The following SLIT3 variants were observed in gnomAD, a reference collection of about 807,000 sequenced individuals.
The protein encoded by SLIT3 is slit homolog 3 protein.
SLIT3 carries 68 observed loss-of-function variants against 184.0 expected under a neutral mutation model. The ratio of observed to expected loss-of-function variants is 0.37; its 90% CI spans 0.30 to 0.45. The LOEUF (loss-of-function observed/expected upper bound fraction) is 0.45, where lower values mean the gene tolerates loss of function less well. Among genes scored for constraint, SLIT3 ranks in the 20% least tolerant of loss-of-function variants. The pLI is 1.00. For missense variants in SLIT3, 1,707 were observed against 2,026.0 expected (o/e 0.84, Z 3.02); for synonymous variants, 831 against 828.6 (o/e 1.00, Z -0.05).
chr5:168,704,819 G>T (rs999884319), intron 26 of SLIT3, among the ~76,000 whole-genome samples: 1 of 152,166 alleles, frequency 6.6e-6, no homozygotes, highest in East Asian at 1.9e-4. Flanking sequence ...TGAACTTTGA[G>T]CTTGGTTTTG....
intron 29 of SLIT3, 80 bp from the exon 30 acceptor site, chr5:168,687,196 G>A: frequency 6.5e-7 from 1 of 1,533,174 alleles, no homozygotes; most frequent in Non-Finnish European, 9.0e-7. Context: ...CCCCTCAGCA[G>A]GTGGCCTCTC....
intron 3 of SLIT3, among the ~76,000 whole-genome samples, chr5:169,237,742 T>TG (rs1765253274): frequency 6.6e-6 from 1 of 152,222 alleles, no homozygotes. Context: ...TGTCCATTTC[T>TG]TTCCTTTATA....
chr5:169,079,580 A>AAG (rs1209272039), intron 4 of SLIT3, among the ~76,000 whole-genome samples: 1 of 71,718 alleles, frequency 1.4e-5, no homozygotes, highest in Non-Finnish European at 2.7e-5. Context: ...GGAGGAGGAG[A>AAG]GAAGGGGAGG....
At chr5:169,268,529 A>G (rs1766480236) in intron 1 of SLIT3, among the ~76,000 whole-genome samples, 1 of 152,214 alleles carries the variant, frequency 6.6e-6, no homozygotes, top group South Asian at 2.1e-4. Flanking sequence ...TTGAAAGCAG[A>G]GAACCTTTCT....
intron 34 of SLIT3, among the ~76,000 whole-genome samples, chr5:168,670,470 A>G (rs867956728): frequency 1.1e-4 from 16 of 152,038 alleles, no homozygotes; most frequent in Middle Eastern, 3.2e-3. Flanking sequence ...AGTACATTTC[A>G]CCCATGGAAA....
chr5:168,710,943 C>A lies in SLIT3; in HGVS notation c.2671G>T (p.Ala891Ser). The part of the protein sequence containing the change: ...IARCSSPEPM[A>S]DRLLLTTPTH... Reference sequence around the variant, plus strand: ...GGGGTGGTGAGCAGGAGCCTGTCAGCCATGGGCTCAGGGCTACTGCAGCGG... The same window carrying A: ...GGGGTGGTGAGCAGGAGCCTGTCAGACATGGGCTCAGGGCTACTGCAGCGG... The change falls in exon 25 of 36, where the codon GCT becomes TCT. Residue 891 changes from alanine (A) to serine (S), a missense_variant. Ala to Ser is a moderately conservative substitution (Grantham distance 99, BLOSUM62 1). Around this residue, in one of 3 missense-constraint regions of SLIT3, gnomAD observed 1,307 missense variants for 1,511.6 expected, o/e 0.86. Coordinates refer to ENST00000519560, the MANE Select transcript of SLIT3 (RefSeq NM_003062.4). The A allele has an allele frequency of 6.4e-7, 1 of 1,564,950 alleles. No homozygotes were observed. Among genetic ancestry groups the A allele is most frequent in the Admixed American group, 1.9e-5 (1 of 51,820 alleles).
intron 4 of SLIT3, among the ~76,000 whole-genome samples, chr5:169,029,350 G>T (rs758067870): frequency 1.3e-5 from 2 of 152,152 alleles, no homozygotes; most frequent in African/African-American, 2.4e-5. Flanking sequence ...GTTCTCAAAG[G>T]GTGGCCCTGG....
intron 3 of SLIT3, among the ~76,000 whole-genome samples, chr5:169,203,388 C>CAG (rs2113492920): frequency 6.9e-6 from 1 of 144,718 alleles, no homozygotes; most frequent in South Asian, 2.2e-4. Context: ...CACACACACA[C>CAG]AGCAGATAAT....
At chr5:169,185,852 C>T (rs545060720) in intron 4 of SLIT3, among the ~76,000 whole-genome samples, 1 of 152,290 alleles carries the variant, frequency 6.6e-6, no homozygotes, top group Admixed American at 6.5e-5. Context: ...ACAGGAATCA[C>T]GGTTAGGAAT....
intron 3 of SLIT3, among the ~76,000 whole-genome samples, chr5:169,244,413 A>G (rs902451160): frequency 6.6e-6 from 1 of 152,212 alleles, no homozygotes; most frequent in Admixed American, 6.5e-5. Flanking sequence ...ACACTTGGGT[A>G]AAAACCAGCC....
In SLIT3 at chr5:168,664,964, G is replaced by A. The variant is rs954433635; in HGVS notation, c.*1490C>T. The A allele has an allele frequency of 6.6e-6, 1 of 152,400 alleles. No individual in the cohort carries two copies. Among genetic ancestry groups the A allele is most frequent in the East Asian group, 1.9e-4 (1 of 5,190 alleles). The allele number at this position is 152,400 out of a possible 1,614,324, so 9.4% of individuals were successfully genotyped here. ...TCCAGATACTGCGGAGGGAGAAGGA[G>A]TGAGCAAGGCAGAACAAGAGCAGGA... is the stretch of plus-strand genomic sequence containing the variant. On this transcript the variant is annotated 3_prime_UTR_variant, in exon 36 of 36. Coordinates refer to ENST00000519560, the MANE Select transcript of SLIT3 (RefSeq NM_003062.4).
At chr5:168,962,799 T>C (rs1763062615) in intron 4 of SLIT3, among the ~76,000 whole-genome samples, 1 of 152,164 alleles carries the variant, frequency 6.6e-6, no homozygotes, top group South Asian at 2.1e-4. Context: ...CACTAAGCAC[T>C]TTCCCTCCTT....
intron 20 of SLIT3, among the ~76,000 whole-genome samples, chr5:168,725,096 G>A (rs932105767): frequency 6.6e-6 from 1 of 152,080 alleles, no homozygotes; most frequent in Non-Finnish European, 1.5e-5. Flanking sequence ...TCTGTTGTTG[G>A]AGCACTGTAC....
At chr5:169,014,367 A>G (rs1027838241) in intron 4 of SLIT3, among the ~76,000 whole-genome samples, 1 of 152,198 alleles carries the variant, frequency 6.6e-6, no homozygotes, top group Non-Finnish European at 1.5e-5. Context: ...CATGGAGTGG[A>G]AAGTCAGTAC....
chr5:169,172,760 G>C (rs1452300794), intron 4 of SLIT3, among the ~76,000 whole-genome samples: 1 of 152,062 alleles, frequency 6.6e-6, no homozygotes, highest in Non-Finnish European at 1.5e-5. Flanking sequence ...TTTTAGCGCT[G>C]TACTAAACCC....
chr5:168,982,216 T>G (rs1754974224), intron 4 of SLIT3, among the ~76,000 whole-genome samples: 1 of 152,360 alleles, frequency 6.6e-6, no homozygotes. Flanking sequence ...CATGTTGAAA[T>G]TCCCAGTGTG....
chr5:169,240,568 G>A (rs1444481574), intron 3 of SLIT3, among the ~76,000 whole-genome samples: 1 of 120,824 alleles, frequency 8.3e-6, no homozygotes, highest in Non-Finnish European at 1.7e-5. Context: ...GTGTTTTCAT[G>A]CTATCATTTT....
At chr5:169,020,369 A>G (rs1756554366) in intron 4 of SLIT3, among the ~76,000 whole-genome samples, 1 of 152,170 alleles carries the variant, frequency 6.6e-6, no homozygotes, top group Non-Finnish European at 1.5e-5. Flanking sequence ...AACTTCCCTG[A>G]GTTTGATCCC....
chr5:169,192,392 C>T (rs177074), intron 4 of SLIT3, among the ~76,000 whole-genome samples: 12,816 of 151,426 alleles, frequency 0.085, 1,762 homozygotes, highest in African/African-American at 0.29. Flanking sequence ...CAGCAAAGTG[C>T]CCTTTTAAAA....
Sources: allele counts gnomAD v4.1 joint callset (sites outside exome capture counted in the v4.1 genomes callset), GRCh38; gene constraint gnomAD v4.1.1; regional missense constraint gnomAD v4.1.1; transcripts MANE v1.5; gene names NCBI Gene and HGNC (gene_info 2026-07-23, HGNC 2026-07-21).